PLPPR1: variants seen among roughly 807,000 people sequenced by gnomAD.
The protein encoded by PLPPR1 is phospholipid phosphatase related 1.
A neutral mutation model predicts 33.1 loss-of-function variants in PLPPR1; 10 were observed. That is an observed-to-expected ratio of 0.30 (90% CI 0.19 to 0.51). The LOEUF (loss-of-function observed/expected upper bound fraction) is 0.51, where lower values mean the gene tolerates loss of function less well. PLPPR1 is among the 20% of genes least tolerant of loss of function. PLPPR1 has a pLI of 0.97. For missense variants in PLPPR1, 304 were observed against 408.1 expected, an observed-to-expected ratio of 0.74 and a Z score of 2.20; for synonymous variants, 151 against 151.0, an observed-to-expected ratio of 1.00 and a Z score of 0.00.
chr9:101,039,739 C>G (rs1343914683), intron 1 of PLPPR1, among the ~76,000 whole-genome samples: 2 of 151,934 alleles, frequency 1.3e-5, no homozygotes, highest in African/African-American at 4.8e-5. Context: ...CAGGGAAACT[C>G]CTGTTTTTTT....
chr9:101,278,401 G>A (rs75198295), intron 3 of PLPPR1, among the ~76,000 whole-genome samples: 11,985 of 152,156 alleles, frequency 0.079, 905 homozygotes, highest in African/African-American at 0.2. Flanking sequence ...CTATCCATGC[G>A]CTAAAATAGT....
At position 101,317,386 on chromosome 9, in the gene PLPPR1, T is replaced by C; in HGVS notation, c.835T>C (p.Phe279Leu). Residue 279 changes from phenylalanine to leucine, a missense_variant, in exon 7 of 8, where the codon TTT becomes CTT. Transcript: ENST00000374874. ...LFLGMCVVHN[F>L]KGTQGSPSKP... ...GCAGGGAATGTGTGTGGTTCATAAC[T>C]TTAAAGGAACGCAAGGATCTCCTTC... 2 of 1,614,088 alleles carry C rather than the reference T, an allele frequency of 1.2e-6. No homozygotes were observed. Among genetic ancestry groups the C allele is most frequent in the Non-Finnish European group, 1.7e-6 (2 of 1,179,976 alleles).
chr9:101,208,773 A>C (rs1826633544), intron 2 of PLPPR1, among the ~76,000 whole-genome samples: 1 of 152,154 alleles, frequency 6.6e-6, no homozygotes, highest in African/African-American at 2.4e-5. Context: ...CAAAAATTCT[A>C]ATTCATTGTA....
chr9:101,106,072 C>G (rs1830964477), intron 1 of PLPPR1, among the ~76,000 whole-genome samples: 1 of 151,440 alleles, frequency 6.6e-6, no homozygotes, highest in African/African-American at 2.4e-5. Flanking sequence ...TTCCTGAATA[C>G]AGCACACTGA....
intron 1 of PLPPR1, among the ~76,000 whole-genome samples, chr9:101,127,355 T>C (rs534143940): frequency 6.6e-6 from 1 of 152,122 alleles, no homozygotes; most frequent in Admixed American, 6.5e-5. Flanking sequence ...AAAAGACAGT[T>C]TGAGAAGTAA....
At chr9:101,184,730 G>A (rs1231365946) in intron 1 of PLPPR1, among the ~76,000 whole-genome samples, 1 of 109,482 alleles carries the variant, frequency 9.1e-6, no homozygotes, top group Non-Finnish European at 1.9e-5. Context: ...TTCAAGGCAG[G>A]GAAGATGTGT....
At chr9:101,092,247 C>T (rs1392989599) in intron 1 of PLPPR1, among the ~76,000 whole-genome samples, 1 of 152,148 alleles carries the variant, frequency 6.6e-6, no homozygotes, top group East Asian at 1.9e-4. Context: ...GATCCCCGTC[C>T]TCCAAATTGT....
chr9:101,112,640 G>C (rs1044278672), intron 1 of PLPPR1, among the ~76,000 whole-genome samples: 52 of 152,194 alleles, frequency 3.4e-4, no homozygotes, highest in African/African-American at 1.2e-3. Flanking sequence ...GTGCAGAACT[G>C]AGCTTGACAG....
Position 101,324,064 on chromosome 9 carries a change from T to C in PLPPR1, c.*7T>C. 1 of 1,610,890 alleles carries C rather than the reference T, an allele frequency of 6.2e-7. No homozygotes were observed. Among genetic ancestry groups the C allele is most frequent in the Non-Finnish European group, 8.5e-7 (1 of 1,177,304 alleles). ...CATGACCGAAGTTACCTGAGACGACTGATGTGTCACAAGCTGTTTTTTAAA... is the reference window on the plus strand; with the variant it reads ...CATGACCGAAGTTACCTGAGACGACCGATGTGTCACAAGCTGTTTTTTAAA... On this transcript the variant is annotated 3_prime_UTR_variant, in exon 8 of 8. Transcript: ENST00000374874.
intron 2 of PLPPR1, among the ~76,000 whole-genome samples, chr9:101,220,979 C>T (rs2118790313): frequency 6.6e-6 from 1 of 152,318 alleles, no homozygotes; most frequent in South Asian, 2.1e-4. Context: ...GGACAAATAA[C>T]ATGCTTCTAC....
At chr9:101,203,590 A>C (rs1020566386) in intron 2 of PLPPR1, among the ~76,000 whole-genome samples, 4 of 152,138 alleles carry the variant, frequency 2.6e-5, no homozygotes, top group Admixed American at 2.0e-4. Context: ...GGGACTTATA[A>C]AATTTATGTG....
At chr9:101,182,097 G>A (rs1826124608) in intron 1 of PLPPR1, among the ~76,000 whole-genome samples, 1 of 151,410 alleles carries the variant, frequency 6.6e-6, no homozygotes, top group African/African-American at 2.4e-5. Context: ...GAAATAACAT[G>A]GATGAACCTG....
At chr9:101,075,208 G>A (rs1355221671) in intron 1 of PLPPR1, among the ~76,000 whole-genome samples, 1 of 152,110 alleles carries the variant, frequency 6.6e-6, no homozygotes, top group African/African-American at 2.4e-5. Flanking sequence ...TGGATTTTCA[G>A]TTTGGTGACT....
chr9:101,051,471 A>C (rs1830222389), intron 1 of PLPPR1, among the ~76,000 whole-genome samples: 1 of 152,090 alleles, frequency 6.6e-6, no homozygotes, highest in African/African-American at 2.4e-5. Flanking sequence ...CTCAAGTTGC[A>C]TCAGATTTGT....
At chr9:101,267,696 A>G (rs1458146606) in intron 2 of PLPPR1, among the ~76,000 whole-genome samples, 1 of 151,926 alleles carries the variant, frequency 6.6e-6, no homozygotes, top group Non-Finnish European at 1.5e-5. Flanking sequence ...TTTAGATAAG[A>G]TGGTTAGAAA....
In PLPPR1 at chr9:101,312,800, G is replaced by A. The variant is rs754779962; in HGVS notation, c.639G>A (p.Met213Ile). 5.0e-6 allele frequency: 8 copies of A among 1,613,938 alleles called. No homozygotes were observed. The highest frequency in any genetic ancestry group is 5.9e-6 in the Non-Finnish European group (7 of 1,180,000). Residue 213 changes from methionine (M) to isoleucine (I), a missense_variant and splice_region_variant, in exon 6 of 8, where the codon ATG (methionine) becomes ATA (isoleucine). Coordinates refer to ENST00000374874, the MANE Select transcript of PLPPR1 (RefSeq NM_207299.2). ...LSIYSALYAT[M>I]YITSTIKTKS... ...CCCTGGCCTCTGTCCTATTCCAGAT[G>A]TATATTACAAGCACAATCAAGACGA...
intron 2 of PLPPR1, among the ~76,000 whole-genome samples, chr9:101,239,273 T>C (rs1330316981): frequency 6.6e-6 from 1 of 151,926 alleles, no homozygotes; most frequent in Non-Finnish European, 1.5e-5. Flanking sequence ...GTTTTATTTT[T>C]AGTTTTTTCA....
chr9:101,092,976 C>T (rs554063600), intron 1 of PLPPR1, among the ~76,000 whole-genome samples: 1 of 152,252 alleles, frequency 6.6e-6, no homozygotes, highest in South Asian at 2.1e-4. Context: ...GGGCCCTCAC[C>T]AGACACCAAA....
intron 4 of PLPPR1, among the ~76,000 whole-genome samples, chr9:101,295,603 G>A (rs1237546549): frequency 3.3e-5 from 5 of 149,374 alleles, no homozygotes; most frequent in Non-Finnish European, 7.5e-5. Context: ...CCAAAACAGA[G>A]ATATAGATCA....
Sources: gnomAD v4.1 joint callset for allele counts (sites outside exome capture counted in the v4.1 genomes callset) on GRCh38, gnomAD v4.1.1 for gene constraint, MANE v1.5 for transcripts, NCBI Gene and HGNC (gene_info 2026-07-23, HGNC 2026-07-21) for gene names.